Variants in ACSS3 observed in about 807,000 individuals in gnomAD.
ACSS3 encodes the protein acyl-CoA synthetase short-chain family member 3, mitochondrial.
ACSS3 carries 64 observed loss-of-function variants against 84.2 expected under a neutral mutation model. That is an observed-to-expected ratio of 0.76 (90% CI 0.62 to 0.94). ACSS3 has a LOEUF of 0.94. ACSS3 is among the 40% of genes least tolerant of loss of function. ACSS3 has a pLI of 0.00. For synonymous variants in ACSS3, 317 were observed against 310.1 expected, an observed-to-expected ratio of 1.02 and a Z score of -0.23; for missense variants, 815 against 867.6, an observed-to-expected ratio of 0.94 and a Z score of 0.76.
chr12:81,142,369 G>A (rs919608776), intron 4 of ACSS3, among the ~76,000 whole-genome samples: 1 of 152,060 alleles, frequency 6.6e-6, no homozygotes, highest in African/African-American at 2.4e-5. Context: ...TTTTCCATCA[G>A]CCACTTCCCT....
chr12:81,140,549 C>T (rs903414590), intron 4 of ACSS3, among the ~76,000 whole-genome samples: 1 of 152,164 alleles, frequency 6.6e-6, no homozygotes. Flanking sequence ...CCTAGCAATT[C>T]CCATTACCAC....
chr12:81,248,057 T>C (rs2136007802), intron 13 of ACSS3, among the ~76,000 whole-genome samples: 1 of 152,208 alleles, frequency 6.6e-6, no homozygotes, highest in Non-Finnish European at 1.5e-5. Flanking sequence ...TAGAAAGTCA[T>C]TCATGCTTGC....
chr12:81,143,121 G>T lies in ACSS3; in HGVS notation c.795G>T (p.Leu265Phe). 1 of 1,612,630 alleles carries T rather than the reference G, an allele frequency of 6.2e-7. No homozygotes were observed. Among genetic ancestry groups the T allele is most frequent in the Non-Finnish European group, 8.5e-7 (1 of 1,179,040 alleles). The change falls in exon 5 of 16, where the codon TTG becomes TTT. Residue 265 changes from leucine (L) to phenylalanine (F), a missense_variant. Coordinates refer to ENST00000548058, the MANE Select transcript of ACSS3 (RefSeq NM_024560.4). Reference protein sequence around the residue: ...YNRPNMEAVPLAPGRDLDWDE... With the variant: ...YNRPNMEAVPFAPGRDLDWDE... ...TTGCTGTGTAGGAGGCGGTTCCTTT[G>T]GCTCCCGGTCGTGACCTTGATTGGG...
intron 11 of ACSS3, 85 bp downstream of exon 11, chr12:81,220,161 T>C: frequency 5.7e-6 from 4 of 702,938 alleles, no homozygotes; most frequent in Non-Finnish European, 8.8e-6. Context: ...GCAGTGTTAC[T>C]GCTACTGAGG....
intron 9 of ACSS3, among the ~76,000 whole-genome samples, chr12:81,209,160 A>G (rs535567464): frequency 6.6e-6 from 1 of 152,176 alleles, no homozygotes; most frequent in East Asian, 1.9e-4. Flanking sequence ...TGTTAGAAGT[A>G]TGCATTAACT....
At position 81,078,340 on chromosome 12, in the gene ACSS3, G is replaced by A. The variant is rs144134515; in HGVS notation, c.220G>A (p.Glu74Lys). 3.1e-6 allele frequency: 5 copies of A among 1,612,628 alleles called. No individual in the cohort carries two copies. The highest frequency in any genetic ancestry group is 3.4e-6 in the Non-Finnish European group (4 of 1,179,988). ...THFAASVTDP[E>K]RFWGKAAEQI... ...CTTCGCAGCCTCGGTGACCGACCCC[G>A]AGAGGTTCTGGGGCAAAGCTGCCGA... Residue 74 changes from glutamate (E) to lysine (K), a missense_variant, in exon 1 of 16, where the codon GAG becomes AAG. Glu to Lys is a moderately conservative substitution (Grantham distance 56). Transcript: ENST00000548058.
At chr12:81,115,775 G>A (rs1883991293) in intron 2 of ACSS3, among the ~76,000 whole-genome samples, 1 of 152,246 alleles carries the variant, frequency 6.6e-6, no homozygotes, top group African/African-American at 2.4e-5. Context: ...TCTTTAGTGA[G>A]CTGATGGTGA....
At chr12:81,172,806 A>G (rs921530493) in intron 7 of ACSS3, among the ~76,000 whole-genome samples, 19 of 152,190 alleles carry the variant, frequency 1.2e-4, no homozygotes, top group Non-Finnish European at 2.6e-4. Context: ...CTTACATGGT[A>G]TATCATTTTA....
At chr12:81,228,964 G>A (rs1195414613) in intron 11 of ACSS3, among the ~76,000 whole-genome samples, 2 of 151,694 alleles carry the variant, frequency 1.3e-5, no homozygotes, top group African/African-American at 4.8e-5. Context: ...TCAGATATTT[G>A]GATCAGCACT....
chr12:81,091,044 T>A (rs878975764), intron 1 of ACSS3, among the ~76,000 whole-genome samples: 2 of 152,118 alleles, frequency 1.3e-5, no homozygotes, highest in Non-Finnish European at 2.9e-5. Flanking sequence ...TTGTATTTTT[T>A]AATTATTATA....
intron 7 of ACSS3, among the ~76,000 whole-genome samples, chr12:81,173,735 C>G (rs1190569051): frequency 2.6e-5 from 4 of 152,030 alleles, no homozygotes; most frequent in African/African-American, 4.8e-5. Flanking sequence ...TACCTTAGTT[C>G]AGTGTTTCCT....
chr12:81,097,508 T>A (rs947783664), intron 1 of ACSS3, among the ~76,000 whole-genome samples: 3 of 152,192 alleles, frequency 2.0e-5, no homozygotes, highest in Non-Finnish European at 2.9e-5. Flanking sequence ...ATTCCATATT[T>A]CTCAAACACC....
At chr12:81,233,312 T>G (rs1459203412) in intron 12 of ACSS3, 37 bp from the exon 13 acceptor site, 3 of 1,600,476 alleles carry the variant, frequency 1.9e-6, no homozygotes, top group East Asian at 4.5e-5. Flanking sequence ...TAGTTAACAG[T>G]ACATGCTAAT....
chr12:81,184,502 C>A (rs1044249169), intron 8 of ACSS3, among the ~76,000 whole-genome samples: 6 of 151,604 alleles, frequency 4.0e-5, no homozygotes, highest in African/African-American at 1.5e-4. Flanking sequence ...CTAAAGTTCA[C>A]TTTTTGAAGA....
At chr12:81,122,079 C>T (rs1400362811) in intron 2 of ACSS3, among the ~76,000 whole-genome samples, 3 of 151,784 alleles carry the variant, frequency 2.0e-5, no homozygotes, top group Admixed American at 2.0e-4. Context: ...ACTACAGGTG[C>T]GTGGCACTAC....
At chr12:81,176,945 G>C (rs1332380631) in intron 8 of ACSS3, among the ~76,000 whole-genome samples, 1 of 152,066 alleles carries the variant, frequency 6.6e-6, no homozygotes, top group Non-Finnish European at 1.5e-5. Context: ...GGAACGAGCA[G>C]CACATCAAAA....
rs549725859 is a variant in ACSS3 at position 81,253,219 on chromosome 12, ATATCTATATCTG to A, written c.1720-76_1720-65del. ...CCCAACTGAAATTATATGTGTTTGT[ATATCTATATCTG>A]TATCTATATCTATATGTTGAATATA... On this transcript the variant is annotated intron_variant, in intron 13 of 15. Transcript: ENST00000548058. 70 of 1,342,122 alleles carry A rather than the reference ATATCTATATCTG, an allele frequency of 5.2e-5. No individual in the cohort carries two copies. In the East Asian group the frequency reaches 1.6e-3, roughly 31 times the overall value. 83.1% of individuals were successfully genotyped at this position (1,342,122 alleles called of 1,614,324 possible).
intron 2 of ACSS3, among the ~76,000 whole-genome samples, chr12:81,122,268 A>C (rs897410355): frequency 1.3e-5 from 2 of 151,928 alleles, no homozygotes; most frequent in Admixed American, 1.3e-4. Flanking sequence ...ATGAAAACAC[A>C]ACGTTAAAAA....
At chr12:81,144,727 C>G (rs1034111002) in intron 5 of ACSS3, among the ~76,000 whole-genome samples, 4 of 152,086 alleles carry the variant, frequency 2.6e-5, no homozygotes, top group African/African-American at 9.7e-5. Context: ...CTGAAATTCA[C>G]TGTGACCTGG....
Sources: gnomAD v4.1 joint callset for allele counts (sites outside exome capture counted in the v4.1 genomes callset) on GRCh38, gnomAD v4.1.1 for gene constraint, MANE v1.5 for transcripts, NCBI Gene and HGNC (gene_info 2026-07-23, HGNC 2026-07-21) for gene names.